The following RASGRP3 variants were observed in gnomAD, a reference collection of about 807,000 sequenced individuals.
RASGRP3 encodes the protein ras guanyl-releasing protein 3.
Under a neutral mutation model 82.7 loss-of-function variants are expected in RASGRP3, and 54 were observed. That is an observed-to-expected ratio of 0.65 (90% CI 0.52 to 0.82). The LOEUF is 0.82. Among genes scored for constraint, RASGRP3 ranks in the 40% least tolerant of loss-of-function variants. RASGRP3 has a pLI of 0.00. For synonymous variants in RASGRP3, 309 were observed against 300.5 expected, an observed-to-expected ratio of 1.03 and a Z score of -0.29; for missense variants, 861 against 828.9, an observed-to-expected ratio of 1.04 and a Z score of -0.48.
At chr2:33,476,635 C>T (rs1337495232), upstream of RASGRP3, 2 of 152,218 alleles carry the variant, frequency 1.3e-5, no homozygotes, top group Admixed American at 6.5e-5. Context: ...CAGCTGCTCT[C>T]GGCGTGCTCC....
intron 1 of RASGRP3, among the ~76,000 whole-genome samples, chr2:33,480,192 G>A (rs939189599): frequency 1.2e-4 from 18 of 151,728 alleles, no homozygotes; most frequent in African/African-American, 2.2e-4. Flanking sequence ...ACAGGCGCCC[G>A]CCACCATGCC....
intron 1 of RASGRP3, among the ~76,000 whole-genome samples, chr2:33,507,787 A>G (rs564054279): frequency 3.9e-5 from 6 of 152,300 alleles, no homozygotes; most frequent in African/African-American, 1.4e-4. Context: ...CAGCCTCCCA[A>G]AGTGCTGGGA....
At chr2:33,450,673 A>G (rs1665734348) in intron 2 of RASGRP3, among the ~76,000 whole-genome samples, 1 of 152,034 alleles carries the variant, frequency 6.6e-6, no homozygotes. Context: ...ATAATGCCAC[A>G]ATGAACATGG....
intron 1 of RASGRP3, among the ~76,000 whole-genome samples, chr2:33,446,927 A>G (rs187480242): frequency 6.6e-6 from 1 of 151,862 alleles, no homozygotes; most frequent in African/African-American, 2.4e-5. Flanking sequence ...GTGCATTACG[A>G]GGTCAGGAGA....
At chr2:33,551,614 A>G (rs1346377801) in intron 14 of RASGRP3, among the ~76,000 whole-genome samples, 2 of 151,960 alleles carry the variant, frequency 1.3e-5, no homozygotes, top group Non-Finnish European at 2.9e-5. Flanking sequence ...AGGCAGGGGT[A>G]TAGCTTGAGC....
At chr2:33,560,866 A>G (rs1269899335) in intron 17 of RASGRP3, among the ~76,000 whole-genome samples, 1 of 152,220 alleles carries the variant, frequency 6.6e-6, no homozygotes, top group African/African-American at 2.4e-5. Flanking sequence ...TTACTTAAAA[A>G]CTGTGCTTCT....
chr2:33,563,175 A>G lies in RASGRP3; in HGVS notation c.*438A>G. 6.1e-6 allele frequency: 1 copy of G among 164,690 alleles called. No individual in the cohort carries two copies. Among genetic ancestry groups the G allele is most frequent in the Non-Finnish European group, 1.3e-5 (1 of 77,794 alleles). The allele number at this position is 164,690 out of a possible 1,614,324, so 10.2% of individuals were successfully genotyped here. A position where few individuals can be genotyped will look rare whatever the true frequency, so the allele number is the denominator to read the frequency against. The stretch of plus-strand genomic sequence containing the variant: ...GGAACAGTTAACAAGGAGTTTATTT[A>G]GAGGGGTTTTTTTCATTTTTTGTTT... On this transcript the variant is annotated 3_prime_UTR_variant, in exon 18 of 18. Transcript: ENST00000403687.
intron 1 of RASGRP3, among the ~76,000 whole-genome samples, chr2:33,479,120 A>T (rs1284606100): frequency 6.6e-6 from 1 of 152,242 alleles, no homozygotes; most frequent in Non-Finnish European, 1.5e-5. Context: ...TGCAAATGAG[A>T]GTATTTCCAG....
At position 33,520,599 on chromosome 2, in the gene RASGRP3, T is replaced by G. The variant is rs760091052; in HGVS notation, c.283T>G (p.Leu95Val). The G allele has an allele frequency of 3.1e-6, 5 of 1,614,048 alleles. No individual in the cohort carries two copies. In the East Asian group the frequency reaches 1.1e-4, roughly 36 times the overall value. Residue 95 changes from leucine (L) to valine (V), a missense_variant, in exon 6 of 18, where the codon TTG (leucine) becomes GTG (valine). Leu to Val is a conservative substitution (Grantham distance 32). Transcript: ENST00000403687. ...TGCAGAGTTTAATTTGGATCTTGGT[T>G]TGATTCGTATGACTGAGGAATTTCG... ...FPAEFNLDLG[L>V]IRMTEEFREV... is the part of the protein sequence containing the mutation.
At chr2:33,483,048 AG>A (rs1375064099) in intron 1 of RASGRP3, 2 of 151,376 alleles carry the variant, frequency 1.3e-5, no homozygotes, top group East Asian at 3.9e-4. Context: ...AAAAAAAAAA[AG>A]AATATGAAAT....
At chr2:33,552,432 G>C (rs1333207595) in intron 14 of RASGRP3, among the ~76,000 whole-genome samples, 1 of 152,144 alleles carries the variant, frequency 6.6e-6, no homozygotes, top group East Asian at 1.9e-4. Flanking sequence ...TACTTTGAGA[G>C]TTTAATTGAA....
At chr2:33,548,932 G>A (rs574852293) in intron 13 of RASGRP3, among the ~76,000 whole-genome samples, 15 of 152,052 alleles carry the variant, frequency 9.9e-5, no homozygotes, top group Non-Finnish European at 1.9e-4. Flanking sequence ...CAAGTGATCC[G>A]CCCACCTTGG....
At chr2:33,524,626 T>G in intron 9 of RASGRP3, 78 bp downstream of exon 9, 1 of 1,104,952 alleles carries the variant, frequency 9.1e-7, no homozygotes, top group Non-Finnish European at 1.3e-6. Flanking sequence ...GCCTAACAAA[T>G]GTCACTCAGA....
intron 1 of RASGRP3, among the ~76,000 whole-genome samples, chr2:33,443,565 T>G (rs1665340359): frequency 6.6e-6 from 1 of 152,110 alleles, no homozygotes; most frequent in Non-Finnish European, 1.5e-5. Context: ...GACTACTTAC[T>G]GCTCTTACTA....
rs1346322719 is a variant in RASGRP3, at chr2:33,564,526, TTG to T, written c.*1795_*1796del. ...AGCAATCTAAGTACAGAAAAGCTTT[TTG>T]TGTGTTTAAAAAAATTGAAGAAAAT... On this transcript the variant is annotated 3_prime_UTR_variant, in exon 18 of 18. Transcript: ENST00000403687. 2 of 152,174 alleles carry T rather than the reference TTG, an allele frequency of 1.3e-5. No homozygotes were observed. Among genetic ancestry groups the T allele is most frequent in the South Asian group, 2.1e-4 (1 of 4,830 alleles). The allele number at this position is 152,174 out of a possible 1,614,324, so 9.4% of individuals were successfully genotyped here. A position where few individuals can be genotyped will look rare whatever the true frequency, so the allele number is the denominator to read the frequency against.
Position 33,516,332 on chromosome 2 carries a change from G to A in RASGRP3, c.71-210G>A, listed in dbSNP as rs1218559012. 3.3e-5 allele frequency among the ~76,000 whole-genome samples: 5 copies of A among 152,260 alleles called. No homozygotes were observed. The East Asian group carries it at 7.7e-4, about 24-fold the overall frequency. ...CTGAAGCAGGAAAATGTTTGAACCC[G>A]GGAGGTGGAGGTTGCAGTGAGCCGA... On this transcript the variant is annotated intron_variant, in intron 3 of 17. Coordinates refer to ENST00000403687, the MANE Select transcript of RASGRP3 (RefSeq NM_001139488.2).
intron 1 of RASGRP3, among the ~76,000 whole-genome samples, chr2:33,478,343 G>T (rs927165271): frequency 6.6e-6 from 1 of 152,128 alleles, no homozygotes; most frequent in Non-Finnish European, 1.5e-5. Flanking sequence ...GGGTCAGCCC[G>T]CGGCCATGTG....
At position 33,471,264 on chromosome 2, in the gene RASGRP3, C is replaced by T. The variant is rs535652407; in HGVS notation, c.-261+23321C>T. On this transcript the variant is annotated intron_variant, in intron 2 of 18. Transcript: ENST00000402538. ...GATCATACCTTACTGCAGCTTTGAT[C>T]CCCTAGGCTCAAGTGATCCTCCTGC... Among the ~76,000 whole-genome samples, 23 of 152,082 alleles carry T rather than the reference C, an allele frequency of 1.5e-4. No homozygotes were observed. The East Asian group carries it at 4.3e-3, about 28-fold the overall frequency.
intron 13 of RASGRP3, among the ~76,000 whole-genome samples, chr2:33,547,342 C>CTTTTTTTTTTTTTTTTTTTTTTTTTTTT (rs59601670): frequency 2.9e-5 from 2 of 68,208 alleles, no homozygotes; most frequent in East Asian, 5.0e-4. Context: ...ATATAGAATC[C>CTTTTTTTTTTTTTTTTTTTTTTTTTTTT]TTTTTTTTTT....
Sources: gnomAD v4.1 joint callset for allele counts (sites outside exome capture counted in the v4.1 genomes callset) on GRCh38, gnomAD v4.1.1 for gene constraint, MANE v1.5 for transcripts, NCBI Gene and HGNC (gene_info 2026-07-23, HGNC 2026-07-21) for gene names.